The following CDH12 variants were observed in gnomAD, a reference collection of about 807,000 sequenced individuals.
CDH12 encodes cadherin-12.
In CDH12, 41 loss-of-function variants were observed where a neutral mutation model predicts 74.1. The observed-to-expected ratio is 0.55, with a 90% CI of 0.43 to 0.72. The LOEUF is 0.72. CDH12 is among the 30% of genes least tolerant of loss of function. The pLI is 0.00. For missense variants in CDH12, 945 were observed against 977.2 expected, an observed-to-expected ratio of 0.97 and a Z score of 0.44; for synonymous variants, 399 against 355.0, an observed-to-expected ratio of 1.12 and a Z score of -1.39.
intron 3 of CDH12, among the ~76,000 whole-genome samples, chr5:22,393,976 C>T (rs958688447): frequency 7.2e-5 from 11 of 151,936 alleles, no homozygotes; most frequent in African/African-American, 2.4e-4. Context: ...TTCTTTACTG[C>T]TTATTGAAAA....
intron 1 of CDH12, among the ~76,000 whole-genome samples, chr5:22,629,893 A>T (rs1323714200): frequency 1.3e-5 from 2 of 149,638 alleles, no homozygotes; most frequent in African/African-American, 2.5e-5. Flanking sequence ...TAGGTCTGAT[A>T]AAAAAACCTC....
At chr5:22,180,694 T>C (rs1272502833) in intron 4 of CDH12, among the ~76,000 whole-genome samples, 2 of 151,554 alleles carry the variant, frequency 1.3e-5, no homozygotes, top group Admixed American at 1.3e-4. Context: ...AGAGACGGGG[T>C]TTTGCCATGT....
chr5:22,352,282 A>G (rs557365005), intron 3 of CDH12, among the ~76,000 whole-genome samples: 4 of 152,210 alleles, frequency 2.6e-5, no homozygotes, highest in Admixed American at 6.5e-5. Flanking sequence ...TTGTTCCTCA[A>G]TAATTTGTGT....
At chr5:22,580,054 C>G (rs4701290) in intron 1 of CDH12, among the ~76,000 whole-genome samples, 9,677 of 152,118 alleles carry the variant, frequency 0.064, 413 homozygotes, top group East Asian at 0.22. Context: ...ACCTTTTTAG[C>G]CAACGATGCT....
At chr5:22,297,830 T>C (rs1262924512) in intron 3 of CDH12, among the ~76,000 whole-genome samples, 1 of 152,140 alleles carries the variant, frequency 6.6e-6, no homozygotes, top group African/African-American at 2.4e-5. Context: ...CATCTTTTAT[T>C]CCAATGGAAG....
chr5:22,676,123 A>G (rs1741176552), intron 1 of CDH12, among the ~76,000 whole-genome samples: 1 of 151,870 alleles, frequency 6.6e-6, no homozygotes, highest in Non-Finnish European at 1.5e-5. Flanking sequence ...ATAAAATAAT[A>G]CATTCCTCAT....
At chr5:22,399,024 G>GT (rs1198054681) in intron 3 of CDH12, among the ~76,000 whole-genome samples, 2 of 151,860 alleles carry the variant, frequency 1.3e-5, no homozygotes, top group African/African-American at 4.8e-5. Flanking sequence ...GAGGTTTTTT[G>GT]TTTTGTTTTG....
chr5:22,427,131 C>T (rs1304970003), intron 2 of CDH12, among the ~76,000 whole-genome samples: 1 of 152,074 alleles, frequency 6.6e-6, no homozygotes, highest in Non-Finnish European at 1.5e-5. Flanking sequence ...AAGTCACTAT[C>T]AATTATTTGT....
intron 3 of CDH12, among the ~76,000 whole-genome samples, chr5:22,316,204 TA>T (rs950375646): frequency 8.8e-5 from 13 of 147,780 alleles, no homozygotes; most frequent in Admixed American, 6.7e-5. Context: ...AATCTAAGAC[TA>T]AAAAAAAGAG....
chr5:22,036,430 A>T lies in CDH12; in HGVS notation c.231+42016T>A, dbSNP rs183867323. 7.2e-5 allele frequency among the ~76,000 whole-genome samples: 11 copies of T among 152,262 alleles called. No homozygotes were observed. In the East Asian group the frequency reaches 1.5e-3, roughly 21 times the overall value. ...AAAGAGAACATTGTCAAAACTAGGA[A>T]ATGGGGACCCTTTCAGAAAGCCATA... On this transcript the variant is annotated intron_variant, in intron 5 of 14. Coordinates refer to ENST00000382254, the MANE Select transcript of CDH12 (RefSeq NM_004061.5).
chr5:22,264,296 T>C (rs1453013873), intron 3 of CDH12, among the ~76,000 whole-genome samples: 3 of 152,046 alleles, frequency 2.0e-5, no homozygotes, highest in African/African-American at 7.2e-5. Context: ...CCCATGAATA[T>C]GTGATTTAAT....
chr5:22,404,727 C>T (rs900713739), intron 3 of CDH12, among the ~76,000 whole-genome samples: 2 of 152,132 alleles, frequency 1.3e-5, no homozygotes, highest in Non-Finnish European at 2.9e-5. Context: ...GAGGAAACAA[C>T]TTTTGCAATT....
intron 3 of CDH12, among the ~76,000 whole-genome samples, chr5:22,396,085 A>G (rs1459632376): frequency 1.3e-5 from 2 of 152,110 alleles, no homozygotes; most frequent in Non-Finnish European, 2.9e-5. Context: ...TGGGCTGCAC[A>G]TTTTATAAGA....
chr5:22,147,369 C>A (rs1747256038), intron 4 of CDH12, among the ~76,000 whole-genome samples: 1 of 151,920 alleles, frequency 6.6e-6, no homozygotes, highest in Admixed American at 6.6e-5. Context: ...ACATTAAAAT[C>A]CAAGGTAAAC....
At chr5:22,032,084 CAAT>C (rs553902204) in intron 5 of CDH12, among the ~76,000 whole-genome samples, 1 of 151,290 alleles carries the variant, frequency 6.6e-6, no homozygotes, top group Admixed American at 6.6e-5. Context: ...GGATGTATGA[CAAT>C]ATTATAAATA....
intron 1 of CDH12, among the ~76,000 whole-genome samples, chr5:22,734,754 G>A (rs916471805): frequency 1.3e-5 from 2 of 151,864 alleles, no homozygotes; most frequent in African/African-American, 4.8e-5. Flanking sequence ...TGGGGTCTAC[G>A]ATAATGTTCT....
chr5:22,686,098 A>T (rs2126936043), intron 1 of CDH12, among the ~76,000 whole-genome samples: 1 of 152,292 alleles, frequency 6.6e-6, no homozygotes, highest in East Asian at 1.9e-4. Context: ...TGTAGTGGAT[A>T]TGAAGTGGTA....
intron 2 of CDH12, among the ~76,000 whole-genome samples, chr5:22,472,407 T>C (rs570094037): frequency 6.6e-6 from 1 of 152,238 alleles, no homozygotes; most frequent in East Asian, 1.9e-4. Context: ...GCTGAGTTGA[T>C]CCAGGACTGT....
At position 22,238,418 on chromosome 5, in the gene CDH12, T is replaced by G. The variant is rs565277175; in HGVS notation, c.-332-25775A>C. 2.0e-5 allele frequency among the ~76,000 whole-genome samples: 3 copies of G among 152,308 alleles called. No homozygotes were observed. In the South Asian group the frequency reaches 6.2e-4, roughly 32 times the overall value. On this transcript the variant is annotated intron_variant, in intron 3 of 14. Transcript: ENST00000382254. The stretch of plus-strand genomic sequence containing the variant: ...AACTCAAATGGATAATGAACAATCT[T>G]GTAGTTTTACCTACCATTTTTACAA...
Sources: gnomAD v4.1 joint callset for allele counts (sites outside exome capture counted in the v4.1 genomes callset) on GRCh38, gnomAD v4.1.1 for gene constraint, MANE v1.5 for transcripts, NCBI Gene and HGNC (gene_info 2026-07-23, HGNC 2026-07-21) for gene names.